The following SMURF2 variants were observed in gnomAD, a reference collection of about 807,000 sequenced individuals.
SMURF2 encodes the protein E3 ubiquitin-protein ligase SMURF2.
Under a neutral mutation model 109.6 loss-of-function variants are expected in SMURF2, and 48 were observed. That is an observed-to-expected ratio of 0.44 (90% CI 0.35 to 0.56). SMURF2 has a LOEUF of 0.56. SMURF2 is among the 20% of genes least tolerant of loss of function. The probability of loss-of-function intolerance (pLI) is 0.01; values close to 1 mark genes in which losing one functional copy is unlikely to be tolerated. For synonymous variants in SMURF2, 288 were observed against 317.1 expected (o/e 0.91, Z 0.97); for missense variants, 575 against 909.0 (o/e 0.63, Z 4.72).
chr17:64,610,188 A>T (rs1970025061), intron 1 of SMURF2, among the ~76,000 whole-genome samples: 1 of 152,240 alleles, frequency 6.6e-6, no homozygotes, highest in Non-Finnish European at 1.5e-5. Flanking sequence ...CCATTGTGAA[A>T]GACAGTGTGG....
chr17:64,613,743 T>TGTGTGGG (rs1970082164), intron 1 of SMURF2, among the ~76,000 whole-genome samples: 4 of 92,160 alleles, frequency 4.3e-5, no homozygotes, highest in Non-Finnish European at 4.5e-5. Flanking sequence ...TGTGTGTGTG[T>TGTGTGGG]GGAGGGGGGG....
rs1306720092 is a variant in SMURF2, at chr17:64,545,744, G to A, written c.*104C>T. The A allele has an allele frequency of 2.5e-5, 10 of 393,654 alleles. No homozygotes were observed. The highest frequency in any genetic ancestry group is 3.6e-5 in the Admixed American group (1 of 27,780). 24.4% of individuals were successfully genotyped at this position (393,654 alleles called of 1,614,324 possible). A position where few individuals can be genotyped will look rare whatever the true frequency, so the allele number is the denominator to read the frequency against. Reference sequence around the variant, plus strand: ...AAAAAAAAAAAAAAAGGGGGGGGGGGGGAGTGTTTTCCTGTATTTCAGCAT... The same window carrying A: ...AAAAAAAAAAAAAAAGGGGGGGGGGAGGAGTGTTTTCCTGTATTTCAGCAT... On this transcript the variant is annotated 3_prime_UTR_variant, in exon 19 of 19. Coordinates refer to ENST00000262435, the MANE Select transcript of SMURF2 (RefSeq NM_022739.4).
At chr17:64,549,699 G>A (rs545160427) in intron 16 of SMURF2, among the ~76,000 whole-genome samples, 16 of 152,178 alleles carry the variant, frequency 1.1e-4, no homozygotes, top group South Asian at 6.2e-4. Flanking sequence ...CAGAGGTTGC[G>A]GTAAGTGGAG....
intron 1 of SMURF2, among the ~76,000 whole-genome samples, chr17:64,609,594 C>T (rs1443115234): frequency 6.6e-6 from 1 of 151,962 alleles, no homozygotes; most frequent in African/African-American, 2.4e-5. Flanking sequence ...AACTGGACTC[C>T]TTCCTTACAC....
At chr17:64,602,948 T>G (rs1411017650) in intron 2 of SMURF2, among the ~76,000 whole-genome samples, 4 of 152,034 alleles carry the variant, frequency 2.6e-5, no homozygotes, top group Non-Finnish European at 2.9e-5. Context: ...AATTTTTTTT[T>G]GTCTCAATTC....
At chr17:64,628,060 C>T (rs1326975218) in intron 1 of SMURF2, among the ~76,000 whole-genome samples, 1 of 152,194 alleles carries the variant, frequency 6.6e-6, no homozygotes, top group Non-Finnish European at 1.5e-5. Flanking sequence ...CAACAAGCCA[C>T]CAACACCTGA....
intron 1 of SMURF2, among the ~76,000 whole-genome samples, chr17:64,612,262 TACTC>T (rs1970055463): frequency 6.6e-6 from 1 of 152,130 alleles, no homozygotes; most frequent in Non-Finnish European, 1.5e-5. Flanking sequence ...ACTTGATAGG[TACTC>T]AATAAATATC....
chr17:64,544,793 A>G lies in SMURF2; in HGVS notation c.*1055T>C, dbSNP rs533863527. The G allele has an allele frequency of 2.0e-5, 3 of 152,610 alleles. No individual in the cohort carries two copies. The South Asian group carries it at 6.2e-4, about 32-fold the overall frequency. The allele number at this position is 152,610 out of a possible 1,614,324, so 9.5% of individuals were successfully genotyped here. On this transcript the variant is annotated 3_prime_UTR_variant, in exon 19 of 19. Coordinates refer to ENST00000262435, the MANE Select transcript of SMURF2 (RefSeq NM_022739.4). The stretch of plus-strand genomic sequence containing the variant: ...AGAGCAAAATTCTTCCTTTTTCATA[A>G]CTGTAGCTGATTAAAATTATGAGCA...
intron 1 of SMURF2, among the ~76,000 whole-genome samples, chr17:64,621,449 G>A (rs1970200281): frequency 6.6e-6 from 1 of 151,660 alleles, no homozygotes; most frequent in Non-Finnish European, 1.5e-5. Flanking sequence ...GCGTCGTGGC[G>A]TGTGCCTGTA....
intron 1 of SMURF2, among the ~76,000 whole-genome samples, chr17:64,624,280 T>G (rs1274145312): frequency 6.6e-6 from 1 of 152,058 alleles, no homozygotes; most frequent in Non-Finnish European, 1.5e-5. Flanking sequence ...GAGGACTGCT[T>G]GAGCCCAGGA....
At chr17:64,590,833 T>C (rs1299555594) in intron 5 of SMURF2, among the ~76,000 whole-genome samples, 2 of 152,134 alleles carry the variant, frequency 1.3e-5, no homozygotes, top group South Asian at 2.1e-4. Context: ...TGCTCTACTA[T>C]ATTAGGATAC....
chr17:64,561,269 G>A (rs1969213527), intron 12 of SMURF2, among the ~76,000 whole-genome samples: 1 of 152,158 alleles, frequency 6.6e-6, no homozygotes. Flanking sequence ...AAAACACAGG[G>A]CCTGCAGTCT....
At chr17:64,630,442 G>A (rs574372423) in intron 1 of SMURF2, among the ~76,000 whole-genome samples, 1 of 152,284 alleles carries the variant, frequency 6.6e-6, no homozygotes, top group South Asian at 2.1e-4. Context: ...AAAAGAACCT[G>A]TTACTCTGCA....
intron 15 of SMURF2, among the ~76,000 whole-genome samples, chr17:64,554,059 T>C (rs189396180): frequency 6.6e-6 from 1 of 152,358 alleles, no homozygotes; most frequent in African/African-American, 2.4e-5. Flanking sequence ...TTTTACTTTA[T>C]GAAATCTGAA....
intron 1 of SMURF2, among the ~76,000 whole-genome samples, chr17:64,646,482 C>T (rs886938668): frequency 6.6e-6 from 1 of 150,922 alleles, no homozygotes; most frequent in Admixed American, 6.6e-5. Flanking sequence ...CTGCTGGGCT[C>T]GAGCCATCCT....
In SMURF2 at chr17:64,581,716, G is replaced by A. The variant is rs1203457381; in HGVS notation, c.570-725C>T. ...TCCCAGCACTTTGGGAGACCGAAGC[G>A]AGCGGATCACTTGAGGTCAGGAGTT... is the stretch of plus-strand genomic sequence containing the variant. On this transcript the variant is annotated intron_variant, in intron 7 of 18. Transcript: ENST00000262435. The surrounding 1 kb of genome is among the most constrained non-coding windows in gnomAD (Gnocchi z 4.3). Among the ~76,000 whole-genome samples the A allele has an allele frequency of 6.6e-6, 1 of 152,122 alleles. No individual in the cohort carries two copies. The highest frequency in any genetic ancestry group is 1.5e-5 in the Non-Finnish European group (1 of 68,022).
intron 4 of SMURF2, among the ~76,000 whole-genome samples, chr17:64,591,399 T>C (rs1189493592): frequency 1.3e-5 from 2 of 152,220 alleles, no homozygotes; most frequent in Non-Finnish European, 2.9e-5. Context: ...CCCTAAGCCT[T>C]GGTTTTCTCA....
Position 64,547,990 on chromosome 17 carries a change from G to A in SMURF2, c.1870-189C>T, listed in dbSNP as rs1351922575. 1.3e-5 allele frequency among the ~76,000 whole-genome samples: 2 copies of A among 152,172 alleles called. No homozygotes were observed. Among genetic ancestry groups the A allele is most frequent in the Non-Finnish European group, 2.9e-5 (2 of 68,034 alleles). On this transcript the variant is annotated intron_variant, in intron 16 of 18. Coordinates refer to ENST00000262435, the MANE Select transcript of SMURF2 (RefSeq NM_022739.4). This position sits in a 1 kb window ranked among gnomAD's most constrained non-coding sequence, Gnocchi z 4.2. ...TCCTAGGCTCAGAGATGTTAATTCTGTGCACCTGGGGTGACAGTTGGGATC... is the reference window on the plus strand; with the variant it reads ...TCCTAGGCTCAGAGATGTTAATTCTATGCACCTGGGGTGACAGTTGGGATC...
At chr17:64,623,711 T>C (rs1166539759) in intron 1 of SMURF2, among the ~76,000 whole-genome samples, 3 of 152,256 alleles carry the variant, frequency 2.0e-5, no homozygotes, top group African/African-American at 7.2e-5. Flanking sequence ...TTTAACTTGC[T>C]ATGTAGAGTT....
Sources: gnomAD v4.1 joint callset for allele counts (sites outside exome capture counted in the v4.1 genomes callset) on GRCh38, gnomAD v4.1.1 for gene constraint, Gnocchi (gnomAD v3.1) non-coding constraint, MANE v1.5 for transcripts, NCBI Gene and HGNC (gene_info 2026-07-23, HGNC 2026-07-21) for gene names.